Variants in WDR70 observed in about 807,000 individuals in gnomAD.
The protein encoded by WDR70 is WD repeat-containing protein 70.
In WDR70, 53 loss-of-function variants were observed where a neutral mutation model predicts 88.6. The observed-to-expected ratio is 0.60, with a 90% CI of 0.48 to 0.75. WDR70 has a LOEUF of 0.75. Ranked by LOEUF, WDR70 falls within the 30% of genes least tolerant of loss-of-function variation. The probability of loss-of-function intolerance (pLI) is 0.00; values close to 1 mark genes in which losing one functional copy is unlikely to be tolerated. For synonymous variants in WDR70, 280 were observed against 270.0 expected (o/e 1.04, Z -0.36); for missense variants, 610 against 823.2 (o/e 0.74, Z 3.17).
intron 5 of WDR70, among the ~76,000 whole-genome samples, chr5:37,409,267 G>A (rs956545291): frequency 2.6e-5 from 4 of 151,898 alleles, no homozygotes; most frequent in Non-Finnish European, 5.9e-5. Flanking sequence ...TTTGTGTCTG[G>A]TTCTGCTGTG....
At chr5:37,524,802 G>A (rs1192593515) in intron 9 of WDR70, among the ~76,000 whole-genome samples, 1 of 151,870 alleles carries the variant, frequency 6.6e-6, no homozygotes, top group East Asian at 1.9e-4. Flanking sequence ...CCAAGTAAAT[G>A]GAAAACAAAA....
intron 5 of WDR70, among the ~76,000 whole-genome samples, chr5:37,408,231 G>A (rs1749413231): frequency 6.6e-6 from 1 of 152,078 alleles, no homozygotes; most frequent in African/African-American, 2.4e-5. Flanking sequence ...CAGCACTTTG[G>A]AAGCCTGAGG....
intron 9 of WDR70, among the ~76,000 whole-genome samples, chr5:37,597,086 T>C (rs1406349733): frequency 1.3e-5 from 2 of 152,220 alleles, no homozygotes; most frequent in African/African-American, 4.8e-5. Flanking sequence ...CTTTATTTAG[T>C]GCATTAACAG....
At chr5:37,560,809 ATTT>A (rs397885116) in intron 9 of WDR70, among the ~76,000 whole-genome samples, 1 of 130,972 alleles carries the variant, frequency 7.6e-6, no homozygotes, top group Non-Finnish European at 1.6e-5. Context: ...GCAGAAGCAG[ATTT>A]TTTTTTTTTT....
intron 9 of WDR70, among the ~76,000 whole-genome samples, chr5:37,572,553 T>G (rs1742939098): frequency 6.6e-6 from 1 of 152,126 alleles, no homozygotes; most frequent in South Asian, 2.1e-4. Context: ...GAAACATACA[T>G]TGTACCCACC....
At chr5:37,424,282 C>G (rs910253124) in intron 5 of WDR70, among the ~76,000 whole-genome samples, 1 of 150,214 alleles carries the variant, frequency 6.7e-6, no homozygotes, top group African/African-American at 2.5e-5. Context: ...TTAGAATTGC[C>G]TAGGTAGCAT....
intron 7 of WDR70, among the ~76,000 whole-genome samples, chr5:37,443,958 G>C (rs568117817): frequency 6.6e-6 from 1 of 151,978 alleles, no homozygotes; most frequent in Non-Finnish European, 1.5e-5. Flanking sequence ...AGACCAGCCT[G>C]TCTAACATGG....
At chr5:37,387,086 C>G (rs1254349823) in intron 3 of WDR70, among the ~76,000 whole-genome samples, 2 of 138,690 alleles carry the variant, frequency 1.4e-5, no homozygotes, top group African/African-American at 6.0e-5. Context: ...GCGACGAGAG[C>G]AAAACTCTGT....
chr5:37,439,546 A>G (rs1750586449), intron 6 of WDR70, among the ~76,000 whole-genome samples: 2 of 151,956 alleles, frequency 1.3e-5, no homozygotes, highest in Non-Finnish European at 2.9e-5. Flanking sequence ...TTATAGAGAA[A>G]CATAACTTAA....
intron 10 of WDR70, among the ~76,000 whole-genome samples, chr5:37,647,432 T>G (rs1054486574): frequency 6.6e-6 from 1 of 152,216 alleles, no homozygotes; most frequent in Admixed American, 6.5e-5. Context: ...CTTGGGGATT[T>G]TTTTTGGTGA....
At chr5:37,608,308 A>G (rs1003178683) in intron 10 of WDR70, among the ~76,000 whole-genome samples, 1 of 151,944 alleles carries the variant, frequency 6.6e-6, no homozygotes, top group East Asian at 1.9e-4. Flanking sequence ...CCAAAGTGCT[A>G]GGATTACAGG....
rs771687684 is a variant in WDR70, at chr5:37,605,236, A to T, written c.1090A>T (p.Thr364Ser). The change falls in exon 10 of 18, where the codon ACT becomes TCT. Residue 364 changes from threonine (T) to serine (S), a missense_variant and splice_region_variant. Around this residue, in one of 4 missense-constraint regions of WDR70, gnomAD observed 254 missense variants for 300.7 expected, o/e 0.84. Transcript: ENST00000265107. Reference sequence around the variant, plus strand: ...CATACAGATCTGGGACCGAAATTTGACTGTAAGTTAAATCTTTTCTTAGAA... The same window carrying T: ...CATACAGATCTGGGACCGAAATTTGTCTGTAAGTTAAATCTTTTCTTAGAA... Reference protein sequence around the residue: ...GSIQIWDRNLTVHPKFHYKQA... With the variant: ...GSIQIWDRNLSVHPKFHYKQA... 6.9e-6 allele frequency: 11 copies of T among 1,590,704 alleles called. No individual in the cohort carries two copies. The Admixed American group carries it at 1.9e-4, about 28-fold the overall frequency.
intron 11 of WDR70, 150 bp from the exon 12 acceptor site, chr5:37,700,908 T>G: frequency 1.8e-6 from 1 of 565,060 alleles, no homozygotes; most frequent in Non-Finnish European, 3.1e-6. Context: ...TCTAGCTTCT[T>G]TCTTCCTTTC....
Position 37,721,187 on chromosome 5 carries a change from G to A in WDR70, c.1489G>A (p.Val497Ile). Residue 497 changes from valine to isoleucine, a missense_variant, in exon 14 of 18, where the codon GTC (valine) becomes ATC (isoleucine). Physicochemically the swap from Val to Ile is conservative, Grantham distance 29. Around this residue, in one of 4 missense-constraint regions of WDR70, gnomAD observed 254 missense variants for 300.7 expected, o/e 0.84. Transcript: ENST00000265107. Reference protein sequence around the residue: ...MVGTGNGLAKVYYDPNKSQRG... With the variant: ...MVGTGNGLAKIYYDPNKSQRG... ...TGGAACTGGAAATGGATTGGCTAAA[G>A]TCTATTACGACCCCAACAAGAGTCA... 6.2e-7 allele frequency: 1 copy of A among 1,613,730 alleles called. No homozygotes were observed. Among genetic ancestry groups the A allele is most frequent in the South Asian group, 1.1e-5 (1 of 91,076 alleles).
chr5:37,527,295 A>G (rs934803145), intron 9 of WDR70, among the ~76,000 whole-genome samples: 2 of 152,182 alleles, frequency 1.3e-5, no homozygotes, highest in Non-Finnish European at 1.5e-5. Context: ...ATATAGACCA[A>G]TGGAACAAAT....
rs776788625 is a variant in WDR70 at position 37,701,193 on chromosome 5, G to A, written c.1277+51G>A. ...ATCAGCATAGAAGAATGGAAAAGAA[G>A]TACTTTTACTTTAATGTTAATTTAT... On this transcript the variant is annotated intron_variant, in intron 12 of 17. Transcript: ENST00000265107. The A allele has an allele frequency of 6.8e-6, 8 of 1,180,422 alleles. No individual in the cohort carries two copies. In the South Asian group the frequency reaches 1.0e-4, roughly 15 times the overall value. The allele number at this position is 1,180,422 out of a possible 1,614,324, so 73.1% of individuals were successfully genotyped here.
intron 5 of WDR70, among the ~76,000 whole-genome samples, chr5:37,416,376 C>T (rs925444086): frequency 1.3e-5 from 2 of 152,082 alleles, no homozygotes; most frequent in Admixed American, 6.5e-5. Context: ...TCAGGCGTGG[C>T]GGCGCGCCTG....
chr5:37,669,557 C>T (rs1745961844), intron 10 of WDR70, among the ~76,000 whole-genome samples: 2 of 152,188 alleles, frequency 1.3e-5, no homozygotes, highest in South Asian at 2.1e-4. Context: ...AGATTCTCCT[C>T]TTACCACCTG....
intron 5 of WDR70, among the ~76,000 whole-genome samples, chr5:37,425,520 T>C (rs746040882): frequency 2.0e-5 from 3 of 152,166 alleles, no homozygotes; most frequent in Non-Finnish European, 2.9e-5. Flanking sequence ...GTAATGTGCC[T>C]GGCACGTTCA....
Sources: gnomAD v4.1 joint callset for allele counts (sites outside exome capture counted in the v4.1 genomes callset) on GRCh38, gnomAD v4.1.1 for gene constraint, gnomAD v4.1.1 regional missense constraint, MANE v1.5 for transcripts, NCBI Gene and HGNC (gene_info 2026-07-23, HGNC 2026-07-21) for gene names.